ARHGEF10L: variants seen among roughly 807,000 people sequenced by gnomAD.
ARHGEF10L encodes rho guanine nucleotide exchange factor 10-like protein.
Under a neutral mutation model 141.2 loss-of-function variants are expected in ARHGEF10L, and 69 were observed. The ratio of observed to expected loss-of-function variants is 0.49; its 90% CI spans 0.40 to 0.60. ARHGEF10L has a LOEUF of 0.60. ARHGEF10L is among the 20% of genes least tolerant of loss of function. The pLI, the probability that ARHGEF10L is intolerant of heterozygous loss-of-function variation, is 0.00. For missense variants in ARHGEF10L, 1,482 were observed against 1,734.3 expected (o/e 0.85, Z 2.58); for synonymous variants, 711 against 718.5 (o/e 0.99, Z 0.17).
At chr1:17,641,216 A>G (rs1482170912) in intron 21 of ARHGEF10L, among the ~76,000 whole-genome samples, 1 of 152,244 alleles carries the variant, frequency 6.6e-6, no homozygotes, top group Non-Finnish European at 1.5e-5. Flanking sequence ...CAGAGCTATT[A>G]TTCCCTATGA....
intron 1 of ARHGEF10L, among the ~76,000 whole-genome samples, chr1:17,579,814 G>A (rs2078402863): frequency 6.6e-6 from 1 of 152,188 alleles, no homozygotes; most frequent in African/African-American, 2.4e-5. Context: ...AGGGAGCGGG[G>A]GCAGGGTTGG....
At chr1:17,680,887 G>A (rs1239910587) in intron 26 of ARHGEF10L, among the ~76,000 whole-genome samples, 1 of 151,494 alleles carries the variant, frequency 6.6e-6, no homozygotes, top group African/African-American at 2.4e-5. Flanking sequence ...GGGTTCAAGC[G>A]ATTCTCCTGC....
chr1:17,618,269 C>T, intron 9 of ARHGEF10L: 2 of 1,373,492 alleles, frequency 1.5e-6, no homozygotes, highest in Non-Finnish European at 1.9e-6. Flanking sequence ...CCCACCCCGC[C>T]CACAAGCCCA....
upstream of ARHGEF10L, among the ~76,000 whole-genome samples, chr1:17,539,123 G>C (rs941113812): frequency 6.6e-6 from 1 of 152,100 alleles, no homozygotes; most frequent in Non-Finnish European, 1.5e-5. The surrounding 1 kb of genome is among the most constrained non-coding windows in gnomAD (Gnocchi z 6.0). Context: ...CATCACTGGG[G>C]TGTTGCCGGT....
In ARHGEF10L at chr1:17,672,405, G is replaced by A. The variant is rs777010881; in HGVS notation, c.3009+7810G>A. Among the ~76,000 whole-genome samples, 89 of 152,114 alleles carry A rather than the reference G, an allele frequency of 5.9e-4. 1 individual carries two copies. Among genetic ancestry groups the A allele is most frequent in the Admixed American group, 1.8e-3 (28 of 15,276 alleles). ...GAAATTCAGGCGCAGGGCTTCTTGG[G>A]TAATGGTATGCAAATTGGCGTGAGG... On this transcript the variant is annotated intron_variant, in intron 26 of 28. Transcript: ENST00000361221.
intron 22 of ARHGEF10L, among the ~76,000 whole-genome samples, chr1:17,649,059 A>G (rs2061760985): frequency 1.3e-5 from 2 of 152,192 alleles, no homozygotes; most frequent in South Asian, 2.1e-4. Context: ...TGCCCTCATC[A>G]TGGAATGCTC....
At chr1:17,659,141 G>A (rs1224110628) in intron 25 of ARHGEF10L, among the ~76,000 whole-genome samples, 3 of 152,180 alleles carry the variant, frequency 2.0e-5, no homozygotes. Context: ...CCCTCTGGCT[G>A]GTAGACAGGA....
chr1:17,655,782 T>G, intron 23 of ARHGEF10L, 97 bp from the exon 24 acceptor site: 1 of 1,127,334 alleles, frequency 8.9e-7, no homozygotes, highest in Non-Finnish European at 1.3e-6. Context: ...GATGCTTCTC[T>G]CAGGGGATGG....
intron 25 of ARHGEF10L, among the ~76,000 whole-genome samples, chr1:17,663,561 A>AC (rs2062775600): frequency 6.6e-6 from 1 of 151,516 alleles, no homozygotes; most frequent in Non-Finnish European, 1.5e-5. Flanking sequence ...CTCAAAGAAA[A>AC]AAAAAAAAAC....
At chr1:17,605,640 T>A (rs2081101082) in intron 6 of ARHGEF10L, among the ~76,000 whole-genome samples, 1 of 152,134 alleles carries the variant, frequency 6.6e-6, no homozygotes, top group Non-Finnish European at 1.5e-5. Flanking sequence ...CTCCCATCTG[T>A]CTAATAGGAG....
chr1:17,588,432 CTCT>C lies in ARHGEF10L; in HGVS notation c.224-9_224-7del, dbSNP rs1557756400. 6 of 1,613,756 alleles carry C rather than the reference CTCT, an allele frequency of 3.7e-6. No homozygotes were observed. Among genetic ancestry groups the C allele is most frequent in the Admixed American group, 1.7e-5 (1 of 59,978 alleles). On this transcript the variant is annotated splice_polypyrimidine_tract_variant and intron_variant, in intron 3 of 28. Transcript: ENST00000361221. The stretch of plus-strand genomic sequence containing the variant: ...TCTGGCCTGACAGGCTCTCTGTCTG[CTCT>C]TCTTTTGCAGACCCAGACCCAGCAG...
chr1:17,593,576 A>G (rs966675881), intron 4 of ARHGEF10L, among the ~76,000 whole-genome samples: 1 of 152,052 alleles, frequency 6.6e-6, no homozygotes, highest in African/African-American at 2.4e-5. Flanking sequence ...ATTGTGACCA[A>G]GGAATGCAGG....
the ARHGEF10L span, among the ~76,000 whole-genome samples, chr1:17,515,380 G>A: frequency 6.7e-6 from 1 of 149,918 alleles, no homozygotes; most frequent in South Asian, 2.1e-4. Context: ...TGCAACCTCT[G>A]CCTTCTAGGT....
rs2297915 is a variant in ARHGEF10L, at chr1:17,656,608, G to C, written c.2760G>C (p.Arg920Ser). The change falls in exon 25 of 29, where the codon AGG becomes AGC. Residue 920 changes from arginine to serine, a missense_variant. Transcript: ENST00000361221. The surrounding 1 kb of genome is among the most constrained non-coding windows in gnomAD (Gnocchi z 4.9). ...DTGTQCLVSCRSPGLQPVLCL... is the reference protein window; with the variant it reads ...DTGTQCLVSCSSPGLQPVLCL... Reference sequence around the variant, plus strand: ...GCACCCAGTGCCTGGTGAGCTGCAGGAGCCCAGGTCTGCAGCCTGTGCTCT... The same window carrying C: ...GCACCCAGTGCCTGGTGAGCTGCAGCAGCCCAGGTCTGCAGCCTGTGCTCT... The C allele has an allele frequency of 1.2e-6, 2 of 1,613,164 alleles. No homozygotes were observed. The highest frequency in any genetic ancestry group is 1.7e-6 in the Non-Finnish European group (2 of 1,179,882).
At chr1:17,618,092 A>G (rs1448190783) in intron 9 of ARHGEF10L, among the ~76,000 whole-genome samples, 2 of 152,102 alleles carry the variant, frequency 1.3e-5, no homozygotes, top group Admixed American at 1.3e-4. Flanking sequence ...TTCCCTCTGC[A>G]TTTTGGGGAG....
At chr1:17,549,061 C>A (rs752720464) in intron 1 of ARHGEF10L, among the ~76,000 whole-genome samples, 1 of 148,668 alleles carries the variant, frequency 6.7e-6, no homozygotes, top group Non-Finnish European at 1.5e-5. Context: ...GTTGCTCTGT[C>A]ACCCCGGCTG....
intron 4 of ARHGEF10L, among the ~76,000 whole-genome samples, chr1:17,595,677 G>C (rs2080024321): frequency 6.6e-6 from 1 of 152,156 alleles, no homozygotes; most frequent in South Asian, 2.1e-4. Context: ...GCCACAGAGG[G>C]AAGAGGGAAC....
At position 17,613,168 on chromosome 1, in the gene ARHGEF10L, T is replaced by C. The variant is rs116261102; in HGVS notation, c.720T>C (p.Asp240=). ...TGCAGGAGCTGAAGCACAAGTACGA[T>C]TGTAAGGTATTGTCTGTCTGTCCCC... ...RDMQELKHKY[D]CKMTQLMKAA... Residue 240 remains aspartate (D), a synonymous_variant, in exon 8 of 29, where the codon GAT becomes GAC. Transcript: ENST00000361221. 17 of 1,611,894 alleles carry C rather than the reference T, an allele frequency of 1.1e-5. No individual in the cohort carries two copies. In the African/African-American group the frequency reaches 1.1e-4, roughly 10 times the overall value.
Position 17,635,027 on chromosome 1 carries a change from C to A in ARHGEF10L, c.1927+11C>A. On this transcript the variant is annotated intron_variant, in intron 18 of 28. Coordinates refer to ENST00000361221, the MANE Select transcript of ARHGEF10L (RefSeq NM_018125.4). ...CAGGGCAGGCTCAGAGTGAGTACCC[C>A]CTCTCTGTGCCCTGCGTTCGTCACC... The A allele has an allele frequency of 1.2e-6, 2 of 1,613,712 alleles. No homozygotes were observed. Among genetic ancestry groups the A allele is most frequent in the Non-Finnish European group, 1.7e-6 (2 of 1,179,830 alleles).
Sources: allele counts gnomAD v4.1 joint callset (sites outside exome capture counted in the v4.1 genomes callset), GRCh38; gene constraint gnomAD v4.1.1; non-coding constraint Gnocchi (gnomAD v3.1); transcripts MANE v1.5; gene names NCBI Gene and HGNC (gene_info 2026-07-23, HGNC 2026-07-21).